PRDM13: variants seen among roughly 807,000 people sequenced by gnomAD.
PRDM13 encodes the protein PR domain zinc finger protein 13.
In PRDM13, 15 loss-of-function variants were observed where a neutral mutation model predicts 36.4. That is an observed-to-expected ratio of 0.41 (90% confidence interval 0.28 to 0.64). PRDM13 has a LOEUF of 0.64. PRDM13 is among the 30% of genes least tolerant of loss of function. The pLI is 0.29. For missense variants in PRDM13, 1,044 were observed against 1,013.5 expected, an observed-to-expected ratio of 1.03 and a Z score of -0.41; for synonymous variants, 531 against 467.7, an observed-to-expected ratio of 1.14 and a Z score of -1.75.
At chr6:99,609,415 C>T (rs1770001001) in intron 3 of PRDM13, 108 bp downstream of exon 3, 2 of 1,430,618 alleles carry the variant, frequency 1.4e-6, no homozygotes, top group Non-Finnish European at 1.9e-6. Flanking sequence ...TTCACATTCC[C>T]TGTATTTCAA....
At chr6:99,607,283 C>T (rs1185028754) in intron 1 of PRDM13, 105 bp downstream of exon 1, 4 of 1,478,406 alleles carry the variant, frequency 2.7e-6, no homozygotes, top group Non-Finnish European at 3.6e-6. Flanking sequence ...TGAGTCGTTA[C>T]CTGCTAATTC....
In PRDM13 at chr6:99,614,893, T is replaced by C. The variant is rs1372396734; in HGVS notation, c.*134T>C. Reference sequence around the variant, plus strand: ...TTTTTGTTTTTGAGAGGGCGCCAGATTTGAAACAGTGAGAGGTCCCACATC... The same window carrying C: ...TTTTTGTTTTTGAGAGGGCGCCAGACTTGAAACAGTGAGAGGTCCCACATC... On this transcript the variant is annotated 3_prime_UTR_variant, in exon 4 of 4. Coordinates refer to ENST00000369215, the MANE Select transcript of PRDM13 (RefSeq NM_021620.4). 15 of 1,165,668 alleles carry C rather than the reference T, an allele frequency of 1.3e-5. No homozygotes were observed. Among genetic ancestry groups the C allele is most frequent in the Non-Finnish European group, 1.6e-5 (14 of 852,570 alleles). The allele number at this position is 1,165,668 out of a possible 1,614,324, so 72.2% of individuals were successfully genotyped here.
Position 99,614,235 on chromosome 6 carries a change from G to T in PRDM13, c.1600G>T (p.Ala534Ser). 6.2e-7 allele frequency: 1 copy of T among 1,609,250 alleles called. No homozygotes were observed. Among genetic ancestry groups the T allele is most frequent in the Non-Finnish European group, 8.5e-7 (1 of 1,178,940 alleles). The change falls in exon 4 of 4, where the codon GCC becomes TCC. Residue 534 changes from alanine (A) to serine (S), a missense_variant. Coordinates refer to ENST00000369215, the MANE Select transcript of PRDM13 (RefSeq NM_021620.4). Reference sequence around the variant, plus strand: ...CAATCAGCAGCTGTCCGAGATGGCTGCCGGGAAGGGTCGCGGACGCCTGGA... The same window carrying T: ...CAATCAGCAGCTGTCCGAGATGGCTTCCGGGAAGGGTCGCGGACGCCTGGA... ...MHNQQLSEMA[A>S]GKGRGRLDSG...
chr6:99,612,566 T>C (rs1770046885), intron 3 of PRDM13, among the ~76,000 whole-genome samples: 1 of 152,184 alleles, frequency 6.6e-6, no homozygotes, highest in South Asian at 2.1e-4. Flanking sequence ...TTGTCTCGCC[T>C]GGTAATGAGG....
In PRDM13 at chr6:99,613,748, CCCGCCG is replaced by C. The variant is rs112674667; in HGVS notation, c.1128_1133del (p.Pro377_Pro378del). On this transcript the variant is annotated inframe_deletion, in exon 4 of 4. Transcript: ENST00000369215. This position sits in a 1 kb window ranked among gnomAD's most constrained non-coding sequence, Gnocchi z 6.1. ...ATCCCAAGTGCCTGCTCGCTGGGGACCCGCCGCCGCCGCCGCCGCCTGGCCTGCCCT... is the reference window on the plus strand; with the variant it reads ...ATCCCAAGTGCCTGCTCGCTGGGGACCCGCCGCCGCCGCCTGGCCTGCCCT... The C allele has an allele frequency of 7.9e-5, 117 of 1,475,806 alleles. 1 individual carries two copies. In the East Asian group the frequency reaches 1.6e-3, roughly 20 times the overall value. The allele number at this position is 1,475,806 out of a possible 1,614,324, so 91.4% of individuals were successfully genotyped here. A position where few individuals can be genotyped will look rare whatever the true frequency, so the allele number is the denominator to read the frequency against.
At chr6:99,607,610 T>G (rs1222552551) in intron 1 of PRDM13, among the ~76,000 whole-genome samples, 1 of 152,200 alleles carries the variant, frequency 6.6e-6, no homozygotes, top group East Asian at 1.9e-4. Context: ...ATTTGAGGCC[T>G]AATTTCGCCT....
At chr6:99,607,505 C>T (rs1769965715) in intron 1 of PRDM13, among the ~76,000 whole-genome samples, 1 of 152,148 alleles carries the variant, frequency 6.6e-6, no homozygotes, top group South Asian at 2.1e-4. Flanking sequence ...AGCCCACCCC[C>T]GCACGCTGTC....
In PRDM13 at chr6:99,608,849, A is replaced by C; in HGVS notation, c.253A>C (p.Ile85Leu). Residue 85 changes from isoleucine to leucine, a missense_variant, in exon 2 of 4, where the codon ATT becomes CTT. Ile to Leu is a conservative substitution (Grantham distance 5). Transcript: ENST00000369215. ...CTCCCAGGAACAGACTCTGGAAGCT[A>C]TTGCAGACTTACCCGGAGGACAGGT... ...RNSQEQTLEA[I>L]ADLPGGQIFY... is the part of the protein sequence containing the mutation. The C allele has an allele frequency of 6.2e-7, 1 of 1,613,696 alleles. No homozygotes were observed. Among genetic ancestry groups the C allele is most frequent in the Non-Finnish European group, 8.5e-7 (1 of 1,179,882 alleles).
chr6:99,613,643 C>T lies in PRDM13; in HGVS notation c.1008C>T (p.Cys336=), dbSNP rs562933839. 2 of 1,430,552 alleles carry T rather than the reference C, an allele frequency of 1.4e-6. No individual in the cohort carries two copies. The highest frequency in any genetic ancestry group is 1.5e-5 in the South Asian group (1 of 67,690). 88.6% of individuals were successfully genotyped at this position (1,430,552 alleles called of 1,614,324 possible). A position where few individuals can be genotyped will look rare whatever the true frequency, so the allele number is the denominator to read the frequency against. Residue 336 remains cysteine (C), a synonymous_variant, in exon 4 of 4, where the codon TGC becomes TGT. Transcript: ENST00000369215. The surrounding 1 kb of genome is among the most constrained non-coding windows in gnomAD (Gnocchi z 6.1). ...LGRLLGGGRA[C]GRPGSGENSA... is the part of the protein sequence containing the mutation. The stretch of plus-strand genomic sequence containing the variant: ...GGCTGCTGGGCGGGGGCCGGGCGTG[C>T]GGGCGCCCCGGGAGCGGGGAGAACT...
Position 99,613,278 on chromosome 6 carries a change from C to G in PRDM13, c.643C>G (p.Pro215Ala). Residue 215 changes from proline (P) to alanine (A), a missense_variant, in exon 4 of 4, where the codon CCG becomes GCG. Physicochemically the swap from Pro to Ala is conservative, Grantham distance 27. Around this residue, in one of 3 missense-constraint regions of PRDM13, gnomAD observed 921 missense variants for 865.2 expected, o/e 1.06. Transcript: ENST00000369215. The surrounding 1 kb of genome is among the most constrained non-coding windows in gnomAD (Gnocchi z 6.1). ...AACTTTGCGACCCCACCCCCTGGGC[C>G]CGCCACCAGTTCAGGCCTGCGGTGC... Reference protein sequence around the residue: ...AGTLRPHPLGPPPVQACGARE... With the variant: ...AGTLRPHPLGAPPVQACGARE... The G allele has an allele frequency of 6.3e-7, 1 of 1,593,630 alleles. No homozygotes were observed. Among genetic ancestry groups the G allele is most frequent in the Non-Finnish European group, 8.5e-7 (1 of 1,171,562 alleles).
intron 3 of PRDM13, among the ~76,000 whole-genome samples, chr6:99,612,263 C>G (rs1004649209): frequency 1.3e-5 from 2 of 152,162 alleles, no homozygotes; most frequent in South Asian, 4.1e-4. Flanking sequence ...CAAGACAAGA[C>G]AATGCAACAT....
At chr6:99,612,556 T>TTGTC (rs1770046717) in intron 3 of PRDM13, among the ~76,000 whole-genome samples, 1 of 152,158 alleles carries the variant, frequency 6.6e-6, no homozygotes, top group Non-Finnish European at 1.5e-5. Context: ...ATACAGGATA[T>TTGTC]TGTCTCGCCT....
intron 2 of PRDM13, 65 bp from the exon 3 acceptor site, chr6:99,609,122 C>T (rs1769995735): frequency 6.4e-7 from 1 of 1,573,396 alleles, no homozygotes; most frequent in African/African-American, 1.4e-5. Flanking sequence ...AACCTTTCTT[C>T]TCAGTTGCTT....
chr6:99,614,596 C>A lies in PRDM13; in HGVS notation c.1961C>A (p.Pro654His). 1 of 1,612,612 alleles carries A rather than the reference C, an allele frequency of 6.2e-7. No homozygotes were observed. The highest frequency in any genetic ancestry group is 8.5e-7 in the Non-Finnish European group (1 of 1,179,828). The change falls in exon 4 of 4, where the codon CCT becomes CAT. Residue 654 changes from proline (P) to histidine (H), a missense_variant. Physicochemically the swap from Pro to His is moderately conservative, Grantham distance 77. Coordinates refer to ENST00000369215, the MANE Select transcript of PRDM13 (RefSeq NM_021620.4). The part of the protein sequence containing the change: ...DLERHVKSRH[P>H]GQSLLAKAGD... ...GAGCGACATGTCAAGTCCCGCCACC[C>A]TGGCCAGAGTCTGCTCGCCAAAGCG...
intron 1 of PRDM13, among the ~76,000 whole-genome samples, 183 bp from the exon 2 acceptor site, chr6:99,608,557 TC>T (rs1475912368): frequency 6.6e-6 from 1 of 152,132 alleles, no homozygotes; most frequent in Non-Finnish European, 1.5e-5. Flanking sequence ...AGGTAGACTT[TC>T]CTCTTTCTCC....
rs976193774 is a variant in PRDM13, at chr6:99,606,981, C to T, written c.-54C>T. 45 of 1,534,384 alleles carry T rather than the reference C, an allele frequency of 2.9e-5. No individual in the cohort carries two copies. Among genetic ancestry groups the T allele is most frequent in the Non-Finnish European group, 3.8e-5 (44 of 1,143,256 alleles). On this transcript the variant is annotated 5_prime_UTR_variant, in exon 1 of 4. Coordinates refer to ENST00000369215, the MANE Select transcript of PRDM13 (RefSeq NM_021620.4). ...CGCGCAGCTCCAGCTCTGTCACTCG[C>T]GCCCTTCCAAGGACCTGGAGCACCC...
rs1770076870 is a variant in PRDM13, at chr6:99,613,752, C to T, written c.1117C>T (p.Pro373Ser). 1 of 1,465,228 alleles carries T rather than the reference C, an allele frequency of 6.8e-7. No individual in the cohort carries two copies. Among genetic ancestry groups the T allele is most frequent in the African/African-American group, 1.5e-5 (1 of 67,846 alleles). The allele number at this position is 1,465,228 out of a possible 1,614,324, so 90.8% of individuals were successfully genotyped here. Residue 373 changes from proline to serine, a missense_variant, in exon 4 of 4, where the codon CCG becomes TCG. Physicochemically the swap from Pro to Ser is moderately conservative, Grantham distance 74 (BLOSUM62 -1). Around this residue, in one of 3 missense-constraint regions of PRDM13, gnomAD observed 921 missense variants for 865.2 expected, o/e 1.06. Transcript: ENST00000369215. The surrounding 1 kb of genome is among the most constrained non-coding windows in gnomAD (Gnocchi z 6.1). ...CAAGTGCCTGCTCGCTGGGGACCCG[C>T]CGCCGCCGCCGCCGCCTGGCCTGCC... ...HPKCLLAGDP[P>S]PPPPPGLPCS...
At chr6:99,612,703 A>G (rs1770048781) in intron 3 of PRDM13, among the ~76,000 whole-genome samples, 1 of 152,200 alleles carries the variant, frequency 6.6e-6, no homozygotes, top group Admixed American at 6.5e-5. Flanking sequence ...TTAAAGCAAC[A>G]GCTGCTCTTT....
chr6:99,608,901 C>T (rs201951060), intron 2 of PRDM13, 29 bp downstream of exon 2: 4 of 1,596,404 alleles, frequency 2.5e-6, no homozygotes, highest in Admixed American at 1.7e-5. Context: ...CACACCCCCC[C>T]ACTCCCCACC....
Sources: allele counts gnomAD v4.1 joint callset (sites outside exome capture counted in the v4.1 genomes callset), GRCh38; gene constraint gnomAD v4.1.1; regional missense constraint gnomAD v4.1.1; non-coding constraint Gnocchi (gnomAD v3.1); transcripts MANE v1.5; gene names NCBI Gene and HGNC (gene_info 2026-07-23, HGNC 2026-07-21).